Variants in MAD1L1 observed in about 807,000 individuals in gnomAD.
MAD1L1 encodes mitotic spindle assembly checkpoint protein MAD1.
In MAD1L1, 95 loss-of-function variants were observed where a neutral mutation model predicts 96.9. The ratio of observed to expected loss-of-function variants is 0.98; its 90% CI spans 0.83 to 1.16. The LOEUF (loss-of-function observed/expected upper bound fraction) is 1.16, where lower values mean the gene tolerates loss of function less well. Ranked by LOEUF, MAD1L1 falls within the 50% of genes most tolerant of loss-of-function variation. The pLI is 0.00. For missense variants in MAD1L1, 1,007 were observed against 954.4 expected (o/e 1.06, Z -0.73); for synonymous variants, 473 against 396.6 (o/e 1.19, Z -2.29).
At chr7:2,220,749 C>T (rs1793558021) in intron 5 of MAD1L1, 7 of 992,672 alleles carry the variant, frequency 7.1e-6, no homozygotes, top group Non-Finnish European at 1.0e-5. Flanking sequence ...TCCCCACATG[C>T]CCACAATATG....
At chr7:1,902,903 A>T (rs1787342897) in intron 17 of MAD1L1, among the ~76,000 whole-genome samples, 1 of 151,430 alleles carries the variant, frequency 6.6e-6, no homozygotes, top group African/African-American at 2.4e-5. Flanking sequence ...GCGAGGATGC[A>T]GTGGCCTATG....
At chr7:1,854,488 G>A (rs571271933) in intron 18 of MAD1L1, 1 of 409,126 alleles carries the variant, frequency 2.4e-6, no homozygotes, top group African/African-American at 2.1e-5. Flanking sequence ...GGTGTTTGGT[G>A]ATGGAGCTTT....
At chr7:2,057,076 C>G (rs144966157) in intron 12 of MAD1L1, among the ~76,000 whole-genome samples, 13 of 152,236 alleles carry the variant, frequency 8.5e-5, no homozygotes, top group Non-Finnish European at 1.3e-4. Context: ...TAAAGCGCCT[C>G]CCTTTCTTCA....
intron 11 of MAD1L1, among the ~76,000 whole-genome samples, chr7:2,112,230 G>A (rs928892826): frequency 6.6e-6 from 1 of 152,152 alleles, no homozygotes; most frequent in African/African-American, 2.4e-5. Flanking sequence ...TGGTGGGGCC[G>A]CAAGTCAGCC....
rs1584567617 is a variant in MAD1L1 at position 2,214,270 on chromosome 7, AAAC to A, written c.925-1000_925-998del. Reference sequence around the variant, plus strand: ...TGAGAGCCCCAACTCTTCAACCATCAAACAATAAATTACACCGCGGGAGAGAGA... The same window carrying A: ...TGAGAGCCCCAACTCTTCAACCATCAAATAAATTACACCGCGGGAGAGAGA... On this transcript the variant is annotated intron_variant, in intron 9 of 18. Coordinates refer to ENST00000265854, the MANE Select transcript of MAD1L1 (RefSeq NM_001013836.2). Among the ~76,000 whole-genome samples, 3 of 152,228 alleles carry A rather than the reference AAAC, an allele frequency of 2.0e-5. No individual in the cohort carries two copies. In the East Asian group the frequency reaches 5.8e-4, roughly 29 times the overall value.
chr7:2,024,444 T>C (rs1782913987), intron 12 of MAD1L1, among the ~76,000 whole-genome samples: 2 of 152,190 alleles, frequency 1.3e-5, no homozygotes, highest in Admixed American at 6.5e-5. Flanking sequence ...GGCTTGAGCA[T>C]TCCATTACTG....
chr7:1,876,443 A>T (rs190999143), intron 18 of MAD1L1, among the ~76,000 whole-genome samples: 4,630 of 151,818 alleles, frequency 0.03, 152 homozygotes, highest in Admixed American at 0.077. Flanking sequence ...CCACAATAAA[A>T]GGACTCTGGT....
At chr7:1,974,173 C>T (rs1780528757) in intron 15 of MAD1L1, among the ~76,000 whole-genome samples, 1 of 152,228 alleles carries the variant, frequency 6.6e-6, no homozygotes, top group Non-Finnish European at 1.5e-5. Context: ...CAGGAGCTGG[C>T]AGCACAGGCC....
intron 12 of MAD1L1, among the ~76,000 whole-genome samples, chr7:2,019,061 A>G (rs769121164): frequency 6.6e-6 from 1 of 152,168 alleles, no homozygotes; most frequent in African/African-American, 2.4e-5. Context: ...CCACCACAAG[A>G]AACTGAATAG....
chr7:1,921,199 C>T (rs1365374225), intron 17 of MAD1L1, among the ~76,000 whole-genome samples: 4 of 152,254 alleles, frequency 2.6e-5, no homozygotes, highest in African/African-American at 9.6e-5. Flanking sequence ...GCGCCCTTCC[C>T]TGCTCAGACA....
chr7:2,083,775 T>C (rs1376820500), intron 11 of MAD1L1, among the ~76,000 whole-genome samples: 2 of 152,194 alleles, frequency 1.3e-5, no homozygotes, highest in South Asian at 2.1e-4. Context: ...GAAAAGCACG[T>C]GGGAAGAAAC....
At chr7:1,987,272 G>C (rs1781194431) in intron 14 of MAD1L1, among the ~76,000 whole-genome samples, 1 of 152,226 alleles carries the variant, frequency 6.6e-6, no homozygotes, top group African/African-American at 2.4e-5. Context: ...GAGGAGACGT[G>C]GTAACCATGT....
In MAD1L1 at chr7:2,040,636, G is replaced by A. The variant is rs528414371; in HGVS notation, c.1219-25994C>T. 1.1e-4 allele frequency among the ~76,000 whole-genome samples: 17 copies of A among 152,284 alleles called. No individual in the cohort carries two copies. In the South Asian group the frequency reaches 3.1e-3, roughly 28 times the overall value. On this transcript the variant is annotated intron_variant, in intron 12 of 18. Coordinates refer to ENST00000265854, the MANE Select transcript of MAD1L1 (RefSeq NM_001013836.2). ...GCTGCTATTTACCTAGTCCTTTGCT[G>A]GGGAGCGTCGGCATTTTGGGGATGT...
chr7:2,022,888 C>T (rs568596863), intron 12 of MAD1L1, among the ~76,000 whole-genome samples: 2 of 152,264 alleles, frequency 1.3e-5, no homozygotes, highest in South Asian at 2.1e-4. Context: ...AATAAAAGAA[C>T]GGTGGAGCAG....
At chr7:1,892,733 G>A (rs868540303) in intron 18 of MAD1L1, among the ~76,000 whole-genome samples, 1 of 152,182 alleles carries the variant, frequency 6.6e-6, no homozygotes, top group Non-Finnish European at 1.5e-5. Flanking sequence ...AATCTGTGCC[G>A]TCCACGCCTC....
chr7:2,038,104 G>C (rs1584150305), intron 12 of MAD1L1, among the ~76,000 whole-genome samples: 1 of 152,322 alleles, frequency 6.6e-6, no homozygotes, highest in South Asian at 2.1e-4. Context: ...GGAGAAGTCT[G>C]AGTGGTCTGG....
intron 11 of MAD1L1, among the ~76,000 whole-genome samples, chr7:2,080,919 G>C (rs1785608995): frequency 6.6e-6 from 1 of 152,230 alleles, no homozygotes; most frequent in African/African-American, 2.4e-5. Flanking sequence ...GTACCGCCGG[G>C]ACGTGGCCTG....
intron 5 of MAD1L1, chr7:2,221,029 CAGG>C: frequency 6.2e-7 from 1 of 1,611,412 alleles, no homozygotes. Context: ...GACCCTGTGA[CAGG>C]AGAAGGCAGT....
At position 2,016,683 on chromosome 7, in the gene MAD1L1, TGCC is replaced by T. The variant is rs577507387; in HGVS notation, c.1219-2044_1219-2042del. 0.02 allele frequency among the ~76,000 whole-genome samples: 99 copies of T among 4,930 alleles called. No homozygotes were observed. The Non-Finnish European group carries it at 0.28, about 14-fold the overall frequency. 3.2% of individuals were successfully genotyped at this position (4,930 alleles called of 152,430 possible). A position where few individuals can be genotyped will look rare whatever the true frequency, so the allele number is the denominator to read the frequency against. ...CAGGCCGCCACGTCTGGGGCTCTCC[TGCC>T]GTCTGTCTCTTGAGCCAGGGACACA... is the stretch of plus-strand genomic sequence containing the variant. On this transcript the variant is annotated intron_variant, in intron 12 of 18. Transcript: ENST00000265854.
Sources: allele counts gnomAD v4.1 joint callset (sites outside exome capture counted in the v4.1 genomes callset), GRCh38; gene constraint gnomAD v4.1.1; transcripts MANE v1.5; gene names NCBI Gene and HGNC (gene_info 2026-07-23, HGNC 2026-07-21).